The following SIN3B variants were observed in gnomAD, a reference collection of about 807,000 sequenced individuals.
SIN3B encodes the protein SIN3 transcription regulator family member B.
Under a neutral mutation model 120.2 loss-of-function variants are expected in SIN3B, and 19 were observed. The observed-to-expected ratio is 0.16, with a 90% CI of 0.11 to 0.23. SIN3B has a LOEUF of 0.23. Among genes scored for constraint, SIN3B ranks in the 10% least tolerant of loss-of-function variants. The pLI, the probability that SIN3B is intolerant of heterozygous loss-of-function variation, is 1.00. For missense variants in SIN3B, 1,073 were observed against 1,573.0 expected (o/e 0.68, Z 5.38); for synonymous variants, 654 against 653.2 (o/e 1.00, Z -0.02).
intron 12 of SIN3B, among the ~76,000 whole-genome samples, chr19:16,869,085 C>T (rs971105857): frequency 2.6e-5 from 4 of 152,158 alleles, no homozygotes; most frequent in African/African-American, 9.7e-5. Flanking sequence ...GAGGCTTCTC[C>T]ATGCTGAGCC....
intron 8 of SIN3B, among the ~76,000 whole-genome samples, chr19:16,859,319 G>A (rs1045672619): frequency 3.3e-5 from 5 of 152,074 alleles, no homozygotes; most frequent in Admixed American, 6.5e-5. Flanking sequence ...GCTGGGCTTC[G>A]GTGTGTATTT....
intron 11 of SIN3B, 96 bp from the exon 12 acceptor site, chr19:16,866,277 C>T: frequency 7.8e-7 from 1 of 1,283,214 alleles, no homozygotes; most frequent in Non-Finnish European, 1.1e-6. Flanking sequence ...GTCCTGGACC[C>T]CCAGTCAAGT....
chr19:16,863,668 C>T lies in SIN3B; in HGVS notation c.1267-12C>T. The stretch of plus-strand genomic sequence containing the variant: ...CATGCAGCGTCATTCACGGCATTTC[C>T]TCTTGGTGCAGGTACTGAACGACAC... On this transcript the variant is annotated splice_polypyrimidine_tract_variant and intron_variant, in intron 9 of 18. Transcript: ENST00000248054. The T allele has an allele frequency of 6.4e-7, 1 of 1,574,222 alleles. No homozygotes were observed. The highest frequency in any genetic ancestry group is 8.7e-7 in the Non-Finnish European group (1 of 1,143,614).
intron 1 of SIN3B, 91 bp downstream of exon 1, chr19:16,829,631 C>T: frequency 1.1e-5 from 13 of 1,193,712 alleles, no homozygotes; most frequent in Non-Finnish European, 1.3e-5. Context: ...GGCCCCAGCC[C>T]CACCTCGGCC....
chr19:16,866,248 G>T (rs1230843574), intron 11 of SIN3B, 125 bp from the exon 12 acceptor site: 7 of 873,148 alleles, frequency 8.0e-6, no homozygotes, highest in Non-Finnish European at 1.2e-5. Context: ...AGACTAGGCT[G>T]GGAGCTGGCT....
chr19:16,875,385 GGTCT>G (rs2051580931), intron 14 of SIN3B, among the ~76,000 whole-genome samples: 1 of 137,400 alleles, frequency 7.3e-6, no homozygotes, highest in African/African-American at 2.9e-5. Context: ...GGTCTGGTCT[GGTCT>G]GTTTGGTCTG....
intron 12 of SIN3B, among the ~76,000 whole-genome samples, chr19:16,867,218 G>C (rs1177484270): frequency 6.6e-6 from 1 of 152,228 alleles, no homozygotes; most frequent in Non-Finnish European, 1.5e-5. Context: ...CCTCACTCCT[G>C]AACCTGACTC....
intron 4 of SIN3B, among the ~76,000 whole-genome samples, chr19:16,844,652 C>T (rs1971458015): frequency 6.6e-6 from 1 of 152,226 alleles, no homozygotes; most frequent in Non-Finnish European, 1.5e-5. Flanking sequence ...GAAACAGACT[C>T]AGGGTATGAC....
rs372993107 is a variant in SIN3B at position 16,829,781 on chromosome 19, C to T, written c.121-10C>T. 4 of 1,608,320 alleles carry T rather than the reference C, an allele frequency of 2.5e-6. No individual in the cohort carries two copies. The highest frequency in any genetic ancestry group is 1.1e-5 in the South Asian group (1 of 90,912). On this transcript the variant is annotated splice_polypyrimidine_tract_variant and intron_variant, in intron 1 of 18. Coordinates refer to ENST00000248054, the MANE Select transcript of SIN3B (RefSeq NM_001297595.2). ...GCCAGGGCCCACCGGGACCCTCCCC[C>T]TCTCTGCAGGTAGAAGACGCCCTCA...
chr19:16,843,300 A>G (rs116320841), intron 4 of SIN3B, among the ~76,000 whole-genome samples: 2 of 152,220 alleles, frequency 1.3e-5, no homozygotes, highest in Non-Finnish European at 2.9e-5. Flanking sequence ...AAATCCCTGC[A>G]GCCTTGACAT....
At chr19:16,870,612 G>A (rs1343250255) in intron 13 of SIN3B, among the ~76,000 whole-genome samples, 1 of 151,928 alleles carries the variant, frequency 6.6e-6, no homozygotes, top group African/African-American at 2.4e-5. Context: ...GAGCACAGTG[G>A]CATGATCTCG....
At chr19:16,834,000 C>T (rs1971313348) in intron 3 of SIN3B, among the ~76,000 whole-genome samples, 1 of 152,124 alleles carries the variant, frequency 6.6e-6, no homozygotes, top group Non-Finnish European at 1.5e-5. Flanking sequence ...GCTGGGATTA[C>T]AGGTGTGAGC....
At chr19:16,843,060 G>A (rs551932732) in intron 4 of SIN3B, among the ~76,000 whole-genome samples, 1 of 152,302 alleles carries the variant, frequency 6.6e-6, no homozygotes, top group South Asian at 2.1e-4. Flanking sequence ...CAGACGTGGA[G>A]TCTCTAACGC....
rs187138306 is a variant in SIN3B, at chr19:16,831,995, C to T, written c.381+348C>T. On this transcript the variant is annotated intron_variant, in intron 3 of 18. Transcript: ENST00000248054. ...AGCGAGCATACCAGGCAGGCTTGCCCTTGTATTTAAGCATGTCCTCGTCTG... is the reference window on the plus strand; with the variant it reads ...AGCGAGCATACCAGGCAGGCTTGCCTTTGTATTTAAGCATGTCCTCGTCTG... 1.4e-3 allele frequency among the ~76,000 whole-genome samples: 212 copies of T among 152,274 alleles called. 2 individuals are homozygous for T. The highest frequency in any genetic ancestry group is 4.6e-3 in the South Asian group (22 of 4,828).
intron 3 of SIN3B, among the ~76,000 whole-genome samples, chr19:16,835,260 G>A (rs1039931366): frequency 3.0e-5 from 4 of 133,372 alleles, no homozygotes; most frequent in Non-Finnish European, 4.7e-5. Context: ...ACAGAGTCTC[G>A]CTGTGTTGCC....
chr19:16,866,005 G>C (rs1399017582), intron 11 of SIN3B, among the ~76,000 whole-genome samples: 4 of 152,216 alleles, frequency 2.6e-5, no homozygotes, highest in Non-Finnish European at 5.9e-5. Context: ...CATTTATCAA[G>C]TGGTCACTTT....
intron 8 of SIN3B, among the ~76,000 whole-genome samples, chr19:16,859,057 G>A (rs1302375939): frequency 6.6e-6 from 1 of 152,128 alleles, no homozygotes; most frequent in Non-Finnish European, 1.5e-5. Context: ...AGGTTGAGGT[G>A]GCTGGATCGC....
At chr19:16,847,279 T>C (rs911265795) in intron 5 of SIN3B, among the ~76,000 whole-genome samples, 166 bp downstream of exon 5, 1 of 152,184 alleles carries the variant, frequency 6.6e-6, no homozygotes, top group Non-Finnish European at 1.5e-5. Flanking sequence ...CACTGTAGGC[T>C]CCACCTGCAC....
chr19:16,862,611 C>A lies in SIN3B; in HGVS notation c.1266+52C>A, dbSNP rs1359107693. 2 of 1,497,494 alleles carry A rather than the reference C, an allele frequency of 1.3e-6. No individual in the cohort carries two copies. Among genetic ancestry groups the A allele is most frequent in the Non-Finnish European group, 9.2e-7 (1 of 1,087,792 alleles). The allele number at this position is 1,497,494 out of a possible 1,614,324, so 92.8% of individuals were successfully genotyped here. A position where few individuals can be genotyped will look rare whatever the true frequency, so the allele number is the denominator to read the frequency against. ...CGTTGACATGGTGCATCCCCCACCC[C>A]TCCCCAGCAAACACCCGATACCCCC... On this transcript the variant is annotated intron_variant, in intron 9 of 18. Coordinates refer to ENST00000248054, the MANE Select transcript of SIN3B (RefSeq NM_001297595.2). The surrounding 1 kb of genome is among the most constrained non-coding windows in gnomAD (Gnocchi z 4.7).
Sources: allele counts gnomAD v4.1 joint callset (sites outside exome capture counted in the v4.1 genomes callset), GRCh38; gene constraint gnomAD v4.1.1; non-coding constraint Gnocchi (gnomAD v3.1); transcripts MANE v1.5; gene names NCBI Gene and HGNC (gene_info 2026-07-23, HGNC 2026-07-21).